Variants in COL21A1 observed in about 807,000 individuals in gnomAD.
COL21A1 encodes the protein collagen alpha-1(XXI) chain.
In COL21A1, 149 loss-of-function variants were observed where a neutral mutation model predicts 137.9. That is an observed-to-expected ratio of 1.08 (90% CI 0.95 to 1.24). The LOEUF is 1.24. Ranked by LOEUF, COL21A1 falls within the 50% of genes most tolerant of loss-of-function variation. COL21A1 has a pLI of 0.00. For synonymous variants in COL21A1, 456 were observed against 391.5 expected, an observed-to-expected ratio of 1.16 and a Z score of -1.95; for missense variants, 1,167 against 1,158.4, an observed-to-expected ratio of 1.01 and a Z score of -0.11.
chr6:56,069,725 TCATAA>T (rs1287635069), intron 21 of COL21A1, among the ~76,000 whole-genome samples: 1 of 150,688 alleles, frequency 6.6e-6, no homozygotes, highest in East Asian at 1.9e-4. Context: ...ATCATATTTT[TCATAA>T]CATAAGTTTT....
At chr6:56,156,187 G>A (rs928897754) in intron 10 of COL21A1, among the ~76,000 whole-genome samples, 2 of 152,152 alleles carry the variant, frequency 1.3e-5, no homozygotes, top group South Asian at 2.1e-4. Flanking sequence ...ATGATACTGA[G>A]AACTCACTGG....
intron 12 of COL21A1, among the ~76,000 whole-genome samples, chr6:56,127,115 C>T (rs943218791): frequency 1.4e-4 from 22 of 152,122 alleles, no homozygotes; most frequent in African/African-American, 5.3e-4. Context: ...GACTTCCCAC[C>T]ATGAATGCAG....
intron 10 of COL21A1, among the ~76,000 whole-genome samples, chr6:56,154,013 G>A (rs904927765): frequency 3.3e-5 from 5 of 152,088 alleles, no homozygotes; most frequent in Non-Finnish European, 4.4e-5. Flanking sequence ...CCCTGCTATG[G>A]TTTGGATGCT....
At chr6:56,219,216 CAAAAAAA>C (rs386407160) in intron 1 of COL21A1, among the ~76,000 whole-genome samples, 3 of 76,484 alleles carry the variant, frequency 3.9e-5, no homozygotes, top group African/African-American at 5.5e-5. Flanking sequence ...AAACTTGCAC[CAAAAAAA>C]AAAAAAAAAA....
chr6:56,367,250 C>A (rs551263230), intron 1 of COL21A1, among the ~76,000 whole-genome samples: 7 of 152,294 alleles, frequency 4.6e-5, no homozygotes, highest in African/African-American at 1.7e-4. Context: ...CTCTCCCTTC[C>A]TCCTGGCTGG....
At chr6:56,075,012 A>G (rs1436976252) in intron 19 of COL21A1, among the ~76,000 whole-genome samples, 1 of 151,300 alleles carries the variant, frequency 6.6e-6, no homozygotes, top group Non-Finnish European at 1.5e-5. Context: ...ATGAATTTTC[A>G]TAATTTTGAA....
intron 16 of COL21A1, among the ~76,000 whole-genome samples, chr6:56,122,169 T>C (rs1772605487): frequency 6.6e-6 from 1 of 151,196 alleles, no homozygotes; most frequent in South Asian, 2.1e-4. Flanking sequence ...ATTACATCTT[T>C]CCATTTACAT....
chr6:56,132,330 T>C lies in COL21A1; in HGVS notation c.1543-6181A>G, dbSNP rs577837438. Among the ~76,000 whole-genome samples the C allele has an allele frequency of 3.3e-5, 5 of 151,740 alleles. No homozygotes were observed. The South Asian group carries it at 8.4e-4, about 25-fold the overall frequency. On this transcript the variant is annotated intron_variant, in intron 12 of 29. Coordinates refer to ENST00000244728, the MANE Select transcript of COL21A1 (RefSeq NM_030820.4). ...AAAGGGATCCTAACTGAAATGTGAA[T>C]AGCAATTTCTAAAAAATTGAAGGAA...
At position 56,179,792 on chromosome 6, in the gene COL21A1, A is replaced by C. The variant is rs1448667113; in HGVS notation, c.426T>G (p.Leu142=). The C allele has an allele frequency of 1.9e-6, 3 of 1,613,774 alleles. No homozygotes were observed. The highest frequency in any genetic ancestry group is 1.3e-5 in the African/African-American group (1 of 74,914). ...CGTCATCTTGGGATTTGCCATCCGT[A>C]AGTACCACTGCTATCTTAGTCAGAA... is the stretch of plus-strand genomic sequence containing the variant. ...SRFLTKIAVV[L]TDGKSQDDVK... The change falls in exon 3 of 30, where the codon CTT becomes CTG. Residue 142 remains leucine, a synonymous_variant. Coordinates refer to ENST00000244728, the MANE Select transcript of COL21A1 (RefSeq NM_030820.4).
chr6:56,353,298 C>A (rs183452528), intron 1 of COL21A1, among the ~76,000 whole-genome samples: 2 of 152,232 alleles, frequency 1.3e-5, no homozygotes, highest in Admixed American at 1.3e-4. Context: ...CTTTTGGAAC[C>A]CTGAGCTACC....
intron 1 of COL21A1, among the ~76,000 whole-genome samples, chr6:56,334,350 C>T (rs1188108721): frequency 6.6e-6 from 1 of 152,024 alleles, no homozygotes; most frequent in Non-Finnish European, 1.5e-5. Context: ...ATGATACTAC[C>T]TACCTTAGAG....
intron 1 of COL21A1, among the ~76,000 whole-genome samples, chr6:56,347,517 TAAAAAAA>T (rs373385667): frequency 7.9e-6 from 1 of 127,182 alleles, no homozygotes; most frequent in Non-Finnish European, 1.6e-5. Context: ...AGGAAGCATT[TAAAAAAA>T]AAAAAAAAAA....
At position 56,092,362 on chromosome 6, in the gene COL21A1, G is replaced by A. The variant is rs185227778; in HGVS notation, c.1812+9110C>T. On this transcript the variant is annotated intron_variant, in intron 17 of 29. Coordinates refer to ENST00000244728, the MANE Select transcript of COL21A1 (RefSeq NM_030820.4). ...TGTATCCATGCAGATCCTTTTTTAC[G>A]CATACATATTTATATATTGTTTAAC... Among the ~76,000 whole-genome samples the A allele has an allele frequency of 2.3e-4, 35 of 152,120 alleles. 1 individual carries two copies. The highest frequency in any genetic ancestry group is 1.7e-3 in the Admixed American group (26 of 15,264).
intron 1 of COL21A1, among the ~76,000 whole-genome samples, chr6:56,376,339 G>A (rs1318777604): frequency 3.9e-5 from 6 of 152,186 alleles, no homozygotes; most frequent in Non-Finnish European, 5.9e-5. Context: ...AAGAGAAAAC[G>A]GAGGAAGAGG....
At chr6:56,084,248 A>G (rs150931393) in intron 17 of COL21A1, among the ~76,000 whole-genome samples, 160 of 151,396 alleles carry the variant, frequency 1.1e-3, no homozygotes, top group African/African-American at 3.7e-3. Flanking sequence ...TTAATAAGAG[A>G]GATTAGATTG....
intron 3 of COL21A1, among the ~76,000 whole-genome samples, chr6:56,172,159 G>A (rs141658249): frequency 2.1e-4 from 32 of 151,680 alleles, no homozygotes; most frequent in Admixed American, 1.4e-3. Flanking sequence ...AAAGGATATG[G>A]ATACTCGAAT....
chr6:56,313,343 C>T (rs1015532057), intron 1 of COL21A1, among the ~76,000 whole-genome samples: 1 of 152,064 alleles, frequency 6.6e-6, no homozygotes, highest in Non-Finnish European at 1.5e-5. Flanking sequence ...AACACATTAC[C>T]TAGCTGTAAC....
chr6:56,239,667 T>C (rs910975398), intron 1 of COL21A1, among the ~76,000 whole-genome samples: 2 of 152,180 alleles, frequency 1.3e-5, no homozygotes, highest in Admixed American at 1.3e-4. Flanking sequence ...AAAAAGAGTT[T>C]ACAATTTGTT....
intron 9 of COL21A1, among the ~76,000 whole-genome samples, chr6:56,157,307 C>CTTTT (rs34605782): frequency 2.1e-5 from 2 of 94,034 alleles, no homozygotes; most frequent in African/African-American, 8.7e-5. Context: ...ACTCATAAGA[C>CTTTT]TTTTTTTTTT....
Sources: gnomAD v4.1 joint callset for allele counts (sites outside exome capture counted in the v4.1 genomes callset) on GRCh38, gnomAD v4.1.1 for gene constraint, MANE v1.5 for transcripts, NCBI Gene and HGNC (gene_info 2026-07-23, HGNC 2026-07-21) for gene names.